TMEM179: variants seen among roughly 807,000 people sequenced by gnomAD.
TMEM179 encodes the protein transmembrane protein 179.
A neutral mutation model predicts 22.2 loss-of-function variants in TMEM179; 17 were observed. That is an observed-to-expected ratio of 0.77 (90% CI 0.52 to 1.15). The LOEUF (loss-of-function observed/expected upper bound fraction) is 1.15. TMEM179 is among the 50% of genes most tolerant of loss of function. TMEM179 has a pLI of 0.00. For synonymous variants in TMEM179, 127 were observed against 140.5 expected (o/e 0.90, Z 0.68); for missense variants, 265 against 313.6 (o/e 0.84, Z 1.17).
chr14:104,596,839 G>C, intron 2 of TMEM179, 151 bp downstream of exon 2: 1 of 1,005,100 alleles, frequency 9.9e-7, no homozygotes, highest in South Asian at 1.6e-5. Context: ...GGCTGCACAG[G>C]TATGCACAGG....
chr14:104,593,396 C>G lies in TMEM179; in HGVS notation c.*83G>C. On this transcript the variant is annotated 3_prime_UTR_variant, in exon 4 of 4. Transcript: ENST00000556573. Reference sequence around the variant, plus strand: ...GCATGTGGCCAGGGCCCAGGCAGAGCCCCCCAGCTGCTTCCCCAGGCAGGC... The same window carrying G: ...GCATGTGGCCAGGGCCCAGGCAGAGGCCCCCAGCTGCTTCCCCAGGCAGGC... 1.3e-6 allele frequency: 2 copies of G among 1,492,576 alleles called. No individual in the cohort carries two copies. Among genetic ancestry groups the G allele is most frequent in the Non-Finnish European group, 1.8e-6 (2 of 1,113,398 alleles). The allele number at this position is 1,492,576 out of a possible 1,614,324, so 92.5% of individuals were successfully genotyped here.
Position 104,592,917 on chromosome 14 carries a change from C to A in TMEM179, c.*562G>T, listed in dbSNP as rs749524422. Reference sequence around the variant, plus strand: ...CACAGGCCTCAGAAGCCTCCCTGAGCCCGGCCACAGGGTCTCCCAGGCCTA... The same window carrying A: ...CACAGGCCTCAGAAGCCTCCCTGAGACCGGCCACAGGGTCTCCCAGGCCTA... On this transcript the variant is annotated 3_prime_UTR_variant, in exon 4 of 4. Transcript: ENST00000556573. The A allele has an allele frequency of 1.0e-4, 16 of 156,240 alleles. No individual in the cohort carries two copies. The highest frequency in any genetic ancestry group is 2.0e-4 in the Non-Finnish European group (14 of 70,488). 9.7% of individuals were successfully genotyped at this position (156,240 alleles called of 1,614,324 possible).
intron 1 of TMEM179, among the ~76,000 whole-genome samples, chr14:104,602,626 G>A (rs935329074): frequency 6.6e-6 from 1 of 152,230 alleles, no homozygotes. Flanking sequence ...TGCAGATGAC[G>A]TCTCAAGCCT....
At chr14:104,594,283 C>T in intron 3 of TMEM179, 1 of 1,231,776 alleles carries the variant, frequency 8.1e-7, no homozygotes, top group Non-Finnish European at 1.0e-6. Flanking sequence ...AAAGAGCATT[C>T]AGGCCCACCC....
intron 1 of TMEM179, among the ~76,000 whole-genome samples, chr14:104,599,475 C>G (rs1404906294): frequency 6.6e-6 from 1 of 152,220 alleles, no homozygotes; most frequent in East Asian, 1.9e-4. Context: ...CACTTCATCT[C>G]TTGTCAACCA....
rs1886988803 is a variant in TMEM179, at chr14:104,595,445, C to T, written c.444-202G>A. On this transcript the variant is annotated intron_variant, in intron 2 of 3. Coordinates refer to ENST00000556573, the MANE Select transcript of TMEM179 (RefSeq NM_001286389.2). The surrounding 1 kb of genome is among the most constrained non-coding windows in gnomAD (Gnocchi z 5.7). ...GCAGGACAGCCTTTGGGGAAGGAAACCTCCAGGCCCCTCCCTGTCCTGGCC... is the reference window on the plus strand; with the variant it reads ...GCAGGACAGCCTTTGGGGAAGGAAATCTCCAGGCCCCTCCCTGTCCTGGCC... Among the ~76,000 whole-genome samples, 1 of 152,164 alleles carries T rather than the reference C, an allele frequency of 6.6e-6. No individual in the cohort carries two copies. Among genetic ancestry groups the T allele is most frequent in the Non-Finnish European group, 1.5e-5 (1 of 68,016 alleles).
In TMEM179 at chr14:104,597,114, C is replaced by T. The variant is rs781417227; in HGVS notation, c.319G>A (p.Ala107Thr). 5.1e-5 allele frequency: 82 copies of T among 1,599,110 alleles called. No homozygotes were observed. Among genetic ancestry groups the T allele is most frequent in the Non-Finnish European group, 6.4e-5 (75 of 1,174,024 alleles). Residue 107 changes from alanine (A) to threonine (T), a missense_variant, in exon 2 of 4, where the codon GCC becomes ACC. Transcript: ENST00000556573. The surrounding 1 kb of genome is among the most constrained non-coding windows in gnomAD (Gnocchi z 4.8). ...GCGCTGACCAGGAGGTTCAGGAAGG[C>T]GGAGAAGAAGGAGCTGCAGCCAGAA... ...CKGHEGSFFS[A>T]FLNLLVSAFV...
In TMEM179 at chr14:104,593,286, C is replaced by A; in HGVS notation, c.*193G>T. On this transcript the variant is annotated 3_prime_UTR_variant, in exon 4 of 4. Transcript: ENST00000556573. ...ACCATCCTCATCAGGGAGCCGGCAC[C>A]CACCCAGTCCACTGCCAGGCTCACA... is the stretch of plus-strand genomic sequence containing the variant. 1 of 668,992 alleles carries A rather than the reference C, an allele frequency of 1.5e-6. No individual in the cohort carries two copies. The highest frequency in any genetic ancestry group is 2.5e-6 in the Non-Finnish European group (1 of 396,398). 41.4% of individuals were successfully genotyped at this position (668,992 alleles called of 1,614,324 possible). A position where few individuals can be genotyped will look rare whatever the true frequency, so the allele number is the denominator to read the frequency against.
In TMEM179 at chr14:104,597,437, C is replaced by G. The variant is rs552306445; in HGVS notation, c.306-310G>C. ...ACCATTTCATAAAAGAGGCTGCACC[C>G]AGGGTGGAAGTGAATGACACCCTTC... is the stretch of plus-strand genomic sequence containing the variant. On this transcript the variant is annotated intron_variant, in intron 1 of 3. Transcript: ENST00000556573. This position sits in a 1 kb window ranked among gnomAD's most constrained non-coding sequence, Gnocchi z 4.8. Among the ~76,000 whole-genome samples the G allele has an allele frequency of 2.6e-5, 4 of 152,280 alleles. No individual in the cohort carries two copies. The East Asian group carries it at 5.8e-4, about 22-fold the overall frequency.
chr14:104,596,131 G>A (rs1451538863), intron 2 of TMEM179, among the ~76,000 whole-genome samples: 1 of 152,252 alleles, frequency 6.6e-6, no homozygotes, highest in African/African-American at 2.4e-5. Flanking sequence ...TTGTGCCCCA[G>A]CTACCCCAGG....
In TMEM179 at chr14:104,595,074, C is replaced by T. The variant is rs758763693; in HGVS notation, c.522+91G>A. The T allele has an allele frequency of 1.1e-5, 18 of 1,596,494 alleles. No homozygotes were observed. The highest frequency in any genetic ancestry group is 1.5e-5 in the Non-Finnish European group (18 of 1,169,910). ...TTATCCACACAGGAGCCTGCCTCCT[C>T]CTCTGGATGGGGGAGAGCTCAGCAA... is the stretch of plus-strand genomic sequence containing the variant. On this transcript the variant is annotated intron_variant, in intron 3 of 3. Transcript: ENST00000556573. The surrounding 1 kb of genome is among the most constrained non-coding windows in gnomAD (Gnocchi z 5.7).
In TMEM179 at chr14:104,591,488, C is replaced by T; in HGVS notation, c.*1991G>A. ...CAGGGGACCCCATCAGCTTAGGGGG[C>T]CTCGGATTCTGTCCAAACCCCTTCC... On this transcript the variant is annotated 3_prime_UTR_variant, in exon 4 of 4. Transcript: ENST00000556573. The T allele has an allele frequency of 2.2e-6, 1 of 448,824 alleles. No individual in the cohort carries two copies. The highest frequency in any genetic ancestry group is 4.5e-6 in the Non-Finnish European group (1 of 223,668). 27.8% of individuals were successfully genotyped at this position (448,824 alleles called of 1,614,324 possible). A position where few individuals can be genotyped will look rare whatever the true frequency, so the allele number is the denominator to read the frequency against.
intron 1 of TMEM179, among the ~76,000 whole-genome samples, chr14:104,598,640 C>T (rs1433255711): frequency 7.2e-5 from 11 of 152,244 alleles, no homozygotes; most frequent in African/African-American, 2.2e-4. Context: ...CCCCAGCCAA[C>T]GTGCTGAGGA....
Position 104,593,466 on chromosome 14 carries a change from G to C in TMEM179, c.*13C>G. On this transcript the variant is annotated 3_prime_UTR_variant, in exon 4 of 4. Coordinates refer to ENST00000556573, the MANE Select transcript of TMEM179 (RefSeq NM_001286389.2). Reference sequence around the variant, plus strand: ...AGGGAGGTCGGGGCCAGCTCCCCCTGCCTGCACTGTGCCTAAATGACAGCG... The same window carrying C: ...AGGGAGGTCGGGGCCAGCTCCCCCTCCCTGCACTGTGCCTAAATGACAGCG... 1.3e-6 allele frequency: 2 copies of C among 1,536,032 alleles called. No homozygotes were observed. Among genetic ancestry groups the C allele is most frequent in the Non-Finnish European group, 1.7e-6 (2 of 1,146,828 alleles).
Position 104,593,268 on chromosome 14 carries a change from T to A in TMEM179, c.*211A>T. The stretch of plus-strand genomic sequence containing the variant: ...CACCCATAGTCTCTCTGCACCATCC[T>A]CATCAGGGAGCCGGCACCCACCCAG... On this transcript the variant is annotated 3_prime_UTR_variant, in exon 4 of 4. Coordinates refer to ENST00000556573, the MANE Select transcript of TMEM179 (RefSeq NM_001286389.2). 1.6e-6 allele frequency: 1 copy of A among 619,528 alleles called. No individual in the cohort carries two copies. The highest frequency in any genetic ancestry group is 2.8e-6 in the Non-Finnish European group (1 of 355,194). 38.4% of individuals were successfully genotyped at this position (619,528 alleles called of 1,614,324 possible).
rs1019334124 is a variant in TMEM179, at chr14:104,597,229, C to T, written c.306-102G>A. On this transcript the variant is annotated intron_variant, in intron 1 of 3. Transcript: ENST00000556573. The surrounding 1 kb of genome is among the most constrained non-coding windows in gnomAD (Gnocchi z 4.8). ...AAACAGGAGGGGCAGGCTCACTGGA[C>T]GCCATCTCCTGGGCAACCCCCACCA... 2.0e-5 allele frequency: 29 copies of T among 1,454,996 alleles called. No homozygotes were observed. Among genetic ancestry groups the T allele is most frequent in the Middle Eastern group, 4.8e-4 (2 of 4,172 alleles). 90.1% of individuals were successfully genotyped at this position (1,454,996 alleles called of 1,614,324 possible). A position where few individuals can be genotyped will look rare whatever the true frequency, so the allele number is the denominator to read the frequency against.
chr14:104,601,738 C>T (rs900516535), intron 1 of TMEM179, among the ~76,000 whole-genome samples: 1 of 152,126 alleles, frequency 6.6e-6, no homozygotes, highest in African/African-American at 2.4e-5. Flanking sequence ...ATTGGTGAAC[C>T]CCTGAACTGA....
Position 104,597,021 on chromosome 14 carries a change from T to C in TMEM179, c.412A>G (p.Thr138Ala), listed in dbSNP as rs747236965. 6.2e-7 allele frequency: 1 copy of C among 1,608,758 alleles called. No homozygotes were observed. Among genetic ancestry groups the C allele is most frequent in the Non-Finnish European group, 8.5e-7 (1 of 1,178,990 alleles). ...VSVGFTMWCD[T>A]ITEKGTVPHS... The stretch of plus-strand genomic sequence containing the variant: ...GGTACGGTGCCCTTCTCGGTGATGG[T>C]GTCGCACCACATGGTGAAGCCCACG... The change falls in exon 2 of 4, where the codon ACC (threonine) becomes GCC (alanine). Residue 138 changes from threonine (T) to alanine (A), a missense_variant. Thr to Ala is a moderately conservative substitution (Grantham distance 58). Transcript: ENST00000556573. The surrounding 1 kb of genome is among the most constrained non-coding windows in gnomAD (Gnocchi z 4.8).
chr14:104,599,065 G>A (rs1887149774), intron 1 of TMEM179, among the ~76,000 whole-genome samples: 1 of 152,218 alleles, frequency 6.6e-6, no homozygotes, highest in Admixed American at 6.5e-5. Context: ...AGAAAGAGCA[G>A]CGGCAAAAGT....
Sources: allele counts gnomAD v4.1 joint callset (sites outside exome capture counted in the v4.1 genomes callset), GRCh38; gene constraint gnomAD v4.1.1; non-coding constraint Gnocchi (gnomAD v3.1); transcripts MANE v1.5; gene names NCBI Gene and HGNC (gene_info 2026-07-23, HGNC 2026-07-21).